The following BTNL9 variants were observed in gnomAD, a reference collection of about 807,000 sequenced individuals.
The protein encoded by BTNL9 is butyrophilin-like protein 9.
Under a neutral mutation model 45.8 loss-of-function variants are expected in BTNL9, and 45 were observed. That is an observed-to-expected ratio of 0.98 (90% CI 0.77 to 1.26). The LOEUF is 1.26. Among genes scored for constraint, BTNL9 ranks in the 50% most tolerant of loss-of-function variants. The pLI is 0.00. For missense variants in BTNL9, 784 were observed against 729.7 expected, an observed-to-expected ratio of 1.07 and a Z score of -0.86; for synonymous variants, 346 against 330.8, an observed-to-expected ratio of 1.05 and a Z score of -0.50.
rs1582138763 is a variant in BTNL9, at chr5:181,053,001, G to A, written c.737-199G>A. 7.3e-6 allele frequency: 1 copy of A among 136,520 alleles called. No individual in the cohort carries two copies. 8.5% of individuals were successfully genotyped at this position (136,520 alleles called of 1,614,324 possible). A position where few individuals can be genotyped will look rare whatever the true frequency, so the allele number is the denominator to read the frequency against. The stretch of plus-strand genomic sequence containing the variant: ...TTCCCTCCCGCACGCCCCGCGGCGC[G>A]CCCCCGCCCCCTCCGCCGCGCGCGC... On this transcript the variant is annotated intron_variant, in intron 4 of 10. Coordinates refer to ENST00000327705, the MANE Select transcript of BTNL9 (RefSeq NM_152547.5). This position sits in a 1 kb window ranked among gnomAD's most constrained non-coding sequence, Gnocchi z 6.5.
rs912000074 is a variant in BTNL9, at chr5:181,055,611, T to C, written c.928+158T>C. 5.6e-6 allele frequency: 5 copies of C among 887,552 alleles called. No homozygotes were observed. The highest frequency in any genetic ancestry group is 8.9e-6 in the Non-Finnish European group (5 of 558,704). 55.0% of individuals were successfully genotyped at this position (887,552 alleles called of 1,614,324 possible). ...AGTGAAACCCCGTCTCTTCTAAAAA[T>C]ACAAAAAATTAGCCCGGCGTGGCGG... is the stretch of plus-strand genomic sequence containing the variant. On this transcript the variant is annotated intron_variant, in intron 8 of 10. Transcript: ENST00000327705. The surrounding 1 kb of genome is among the most constrained non-coding windows in gnomAD (Gnocchi z 4.4).
Position 181,056,400 on chromosome 5 carries a change from A to AT in BTNL9, c.955+386dup, listed in dbSNP as rs1188050909. 1.6e-5 allele frequency: 10 copies of AT among 638,218 alleles called. No individual in the cohort carries two copies. In the African/African-American group the frequency reaches 1.8e-4, roughly 12 times the overall value. 39.5% of individuals were successfully genotyped at this position (638,218 alleles called of 1,614,324 possible). A position where few individuals can be genotyped will look rare whatever the true frequency, so the allele number is the denominator to read the frequency against. ...TCTTGCAAAATGTGAATATCGATGTATGCATATGCATCTTAGTTCATGTAA... is the reference window on the plus strand; with the variant it reads ...TCTTGCAAAATGTGAATATCGATGTATTGCATATGCATCTTAGTTCATGTAA... On this transcript the variant is annotated intron_variant, in intron 9 of 10. Transcript: ENST00000327705.
At chr5:181,045,347 A>G (rs1761039808) in intron 1 of BTNL9, 120 bp from the exon 2 acceptor site, 3 of 612,216 alleles carry the variant, frequency 4.9e-6, no homozygotes, top group Non-Finnish European at 8.8e-6. Context: ...TGAGGCTTGT[A>G]AGGAATTTGA....
Position 181,053,779 on chromosome 5 carries a change from T to C in BTNL9, c.886+278T>C. The C allele has an allele frequency of 6.6e-7, 1 of 1,522,102 alleles. No homozygotes were observed. Among genetic ancestry groups the C allele is most frequent in the South Asian group, 1.2e-5 (1 of 82,548 alleles). The allele number at this position is 1,522,102 out of a possible 1,614,324, so 94.3% of individuals were successfully genotyped here. A position where few individuals can be genotyped will look rare whatever the true frequency, so the allele number is the denominator to read the frequency against. On this transcript the variant is annotated intron_variant, in intron 6 of 10. Transcript: ENST00000327705. The surrounding 1 kb of genome is among the most constrained non-coding windows in gnomAD (Gnocchi z 6.5). ...ACGCCCTCGGAGCTTCACATCACAC[T>C]GTACAGAGGGAGCGGTGACCAGGGT...
At chr5:181,054,673 T>C in intron 7 of BTNL9, 1 of 984,902 alleles carries the variant, frequency 1.0e-6, no homozygotes, top group African/African-American at 1.7e-5. Flanking sequence ...AACCATGGGA[T>C]GTGTCTCTGT....
chr5:181,057,148 T>G (rs1761927294), intron 9 of BTNL9: 2 of 152,224 alleles, frequency 1.3e-5, no homozygotes, highest in Non-Finnish European at 2.9e-5. Context: ...ATTATTAATT[T>G]TGATAAAACA....
At position 181,053,730 on chromosome 5, in the gene BTNL9, C is replaced by T; in HGVS notation, c.886+229C>T. 2 of 1,513,360 alleles carry T rather than the reference C, an allele frequency of 1.3e-6. No individual in the cohort carries two copies. The highest frequency in any genetic ancestry group is 2.5e-5 in the East Asian group (1 of 40,546). 93.7% of individuals were successfully genotyped at this position (1,513,360 alleles called of 1,614,324 possible). ...TCCACGGAGGCTAGTGCACAGATGT[C>T]AGGGTTGACCGGCTGCTGTCGTTAC... is the stretch of plus-strand genomic sequence containing the variant. On this transcript the variant is annotated intron_variant, in intron 6 of 10. Transcript: ENST00000327705. The surrounding 1 kb of genome is among the most constrained non-coding windows in gnomAD (Gnocchi z 6.5).
At chr5:181,058,718 C>T (rs1159901942) in intron 10 of BTNL9, among the ~76,000 whole-genome samples, 1 of 151,262 alleles carries the variant, frequency 6.6e-6, no homozygotes, top group Non-Finnish European at 1.5e-5. Flanking sequence ...TCCCATCTGT[C>T]AGATGGCATG....
rs1234380564 is a variant in BTNL9, at chr5:181,060,091, G to C, written c.*229G>C. 1.9e-6 allele frequency: 1 copy of C among 530,462 alleles called. No homozygotes were observed. Among genetic ancestry groups the C allele is most frequent in the Admixed American group, 3.5e-5 (1 of 28,848 alleles). The allele number at this position is 530,462 out of a possible 1,614,324, so 32.9% of individuals were successfully genotyped here. A position where few individuals can be genotyped will look rare whatever the true frequency, so the allele number is the denominator to read the frequency against. On this transcript the variant is annotated 3_prime_UTR_variant, in exon 11 of 11. Transcript: ENST00000327705. Reference sequence around the variant, plus strand: ...GTGGATTGTGGGACTGAGCGAAGGAGTACAAATATATCCACGTCGCTCAGA... The same window carrying C: ...GTGGATTGTGGGACTGAGCGAAGGACTACAAATATATCCACGTCGCTCAGA...
At chr5:181,051,089 CA>C (rs372848158) in intron 4 of BTNL9, among the ~76,000 whole-genome samples, 67,130 of 131,638 alleles carry the variant, frequency 0.51, 16,104 homozygotes, top group African/African-American at 0.6. Flanking sequence ...AAAAAAAAAA[CA>C]AAAAAAAAAA....
chr5:181,044,997 G>A (rs1761013696), intron 1 of BTNL9, among the ~76,000 whole-genome samples: 1 of 152,222 alleles, frequency 6.6e-6, no homozygotes, highest in African/African-American at 2.4e-5. Context: ...CCTCTGTTTT[G>A]CGGACTCGAT....
chr5:181,048,133 T>C lies in BTNL9; in HGVS notation c.316T>C (p.Leu106=). Reference sequence around the variant, plus strand: ...GCCGGCGTTCCGGAACAGGACCAAGTTGGTCAAGGACGACATCGCCTATGG... The same window carrying C: ...GCCGGCGTTCCGGAACAGGACCAAGCTGGTCAAGGACGACATCGCCTATGG... ...QMPAFRNRTK[L]VKDDIAYGSV... Residue 106 remains leucine, a synonymous_variant, in exon 3 of 11, where the codon TTG becomes CTG. Coordinates refer to ENST00000327705, the MANE Select transcript of BTNL9 (RefSeq NM_152547.5). 6.2e-7 allele frequency: 1 copy of C among 1,613,590 alleles called. No individual in the cohort carries two copies. Among genetic ancestry groups the C allele is most frequent in the African/African-American group, 1.3e-5 (1 of 75,032 alleles).
At chr5:181,051,631 G>C (rs1427175875) in intron 4 of BTNL9, among the ~76,000 whole-genome samples, 1 of 152,120 alleles carries the variant, frequency 6.6e-6, no homozygotes, top group Admixed American at 6.5e-5. Context: ...GGATCTCCAC[G>C]GCAGTGCTCT....
At chr5:181,046,675 GA>G (rs1430858061) in intron 2 of BTNL9, among the ~76,000 whole-genome samples, 1 of 151,638 alleles carries the variant, frequency 6.6e-6, no homozygotes, top group Non-Finnish European at 1.5e-5. Context: ...GAGAGAAAGA[GA>G]GAGAGCGAGA....
chr5:181,046,671 A>AAGAGAGAGAGCGAGAG (rs1357963606), intron 2 of BTNL9, among the ~76,000 whole-genome samples: 5 of 151,070 alleles, frequency 3.3e-5, no homozygotes, highest in Non-Finnish European at 5.9e-5. Flanking sequence ...GGCTGAGAGA[A>AAGAGAGAGAGCGAGAG]AGAGAGAGAG....
Position 181,055,890 on chromosome 5 carries a change from TGGGGGGTGC to T in BTNL9, c.929-95_929-87del. 1 of 1,396,090 alleles carries T rather than the reference TGGGGGGTGC, an allele frequency of 7.2e-7. No individual in the cohort carries two copies. The highest frequency in any genetic ancestry group is 1.0e-6 in the Non-Finnish European group (1 of 981,470). 86.5% of individuals were successfully genotyped at this position (1,396,090 alleles called of 1,614,324 possible). ...GGACCCCTGCTGGCTATGTGGGTGG[TGGGGGGTGC>T]GGGACAGGGTGGGTGCAAGATGTGA... is the stretch of plus-strand genomic sequence containing the variant. On this transcript the variant is annotated intron_variant, in intron 8 of 10. Transcript: ENST00000327705. This position sits in a 1 kb window ranked among gnomAD's most constrained non-coding sequence, Gnocchi z 4.4.
chr5:181,043,104 A>T (rs1352923748), intron 1 of BTNL9, among the ~76,000 whole-genome samples: 2 of 152,146 alleles, frequency 1.3e-5, no homozygotes, highest in African/African-American at 2.4e-5. Flanking sequence ...ATAATAATAA[A>T]AATAATAATA....
In BTNL9 at chr5:181,053,583, G is replaced by C. The variant is rs775949303; in HGVS notation, c.886+82G>C. ...ATCTAAAGGCTGTGGGTCCCGTTAC[G>C]AGGGTTTATTCCAGCGCGAGGTGTC... On this transcript the variant is annotated intron_variant, in intron 6 of 10. Coordinates refer to ENST00000327705, the MANE Select transcript of BTNL9 (RefSeq NM_152547.5). The surrounding 1 kb of genome is among the most constrained non-coding windows in gnomAD (Gnocchi z 6.5). The C allele has an allele frequency of 1.3e-6, 2 of 1,550,884 alleles. No individual in the cohort carries two copies. Among genetic ancestry groups the C allele is most frequent in the South Asian group, 2.4e-5 (2 of 84,072 alleles).
At chr5:181,045,938 C>G in intron 2 of BTNL9, among the ~76,000 whole-genome samples, 1 of 49,704 alleles carries the variant, frequency 2.0e-5, no homozygotes, top group African/African-American at 8.4e-5. Context: ...CCTCCACCAT[C>G]TCCCCAGCCT....
Sources: gnomAD v4.1 joint callset for allele counts (sites outside exome capture counted in the v4.1 genomes callset) on GRCh38, gnomAD v4.1.1 for gene constraint, Gnocchi (gnomAD v3.1) non-coding constraint, MANE v1.5 for transcripts, NCBI Gene and HGNC (gene_info 2026-07-23, HGNC 2026-07-21) for gene names.